The following DHTKD1 variants were observed in gnomAD, a reference collection of about 807,000 sequenced individuals.
DHTKD1 encodes dehydrogenase E1 and transketolase domain containing 1, also known as 2-oxoadipate dehydrogenase complex component E1.
Under a neutral mutation model 101.8 loss-of-function variants are expected in DHTKD1, and 78 were observed. That is an observed-to-expected ratio of 0.77 (90% CI 0.64 to 0.93). DHTKD1 has a LOEUF of 0.93. DHTKD1 is among the 40% of genes least tolerant of loss of function. DHTKD1 has a pLI of 0.00. For synonymous variants in DHTKD1, 462 were observed against 450.3 expected, an observed-to-expected ratio of 1.03 and a Z score of -0.33; for missense variants, 1,223 against 1,161.7, an observed-to-expected ratio of 1.05 and a Z score of -0.77.
rs1554791360 is a variant in DHTKD1, at chr10:12,084,695, G to GA, written c.467dup (p.Thr157AspfsTer21). 2.5e-6 allele frequency: 4 copies of GA among 1,614,104 alleles called. No individual in the cohort carries two copies. The highest frequency in any genetic ancestry group is 1.1e-5 in the South Asian group (1 of 91,086). On this transcript the variant is annotated frameshift_variant, in exon 3 of 17. Coordinates refer to ENST00000263035, the MANE Select transcript of DHTKD1 (RefSeq NM_018706.7). LOFTEE classifies it high-confidence loss of function. ...CAAGCGGTTTGAGGAACTGCAAAAGGAGACGTTTACCACAGAAGAGCGAAA... is the reference window on the plus strand; with the variant it reads ...CAAGCGGTTTGAGGAACTGCAAAAGGAAGACGTTTACCACAGAAGAGCGAAA...
chr10:12,091,366 C>T (rs560470755), intron 5 of DHTKD1, 147 bp from the exon 6 acceptor site: 5 of 535,928 alleles, frequency 9.3e-6, no homozygotes, highest in African/African-American at 4.5e-5. Flanking sequence ...GAGCTGAGAT[C>T]GTGCCATTTC....
At chr10:12,091,452 A>G in intron 5 of DHTKD1, 61 bp from the exon 6 acceptor site, 1 of 1,024,300 alleles carries the variant, frequency 9.8e-7, no homozygotes, top group Admixed American at 2.8e-5. Flanking sequence ...CTGAAAACCT[A>G]GATTTCTTAA....
At position 12,122,824 on chromosome 10, in the gene DHTKD1, C is replaced by T. The variant is rs566516465; in HGVS notation, c.*1936C>T. Reference sequence around the variant, plus strand: ...CCTGACTCAGTGCTGGGGGCCTCTACCATCTACTGTGCTTGTGTCATGATG... The same window carrying T: ...CCTGACTCAGTGCTGGGGGCCTCTATCATCTACTGTGCTTGTGTCATGATG... On this transcript the variant is annotated 3_prime_UTR_variant, in exon 17 of 17. Coordinates refer to ENST00000263035, the MANE Select transcript of DHTKD1 (RefSeq NM_018706.7). 1.3e-5 allele frequency: 2 copies of T among 152,258 alleles called. No individual in the cohort carries two copies. Among genetic ancestry groups the T allele is most frequent in the African/African-American group, 4.8e-5 (2 of 41,526 alleles). The allele number at this position is 152,258 out of a possible 1,614,324, so 9.4% of individuals were successfully genotyped here. A position where few individuals can be genotyped will look rare whatever the true frequency, so the allele number is the denominator to read the frequency against.
intron 13 of DHTKD1, among the ~76,000 whole-genome samples, chr10:12,116,681 G>A (rs1000044188): frequency 5.9e-5 from 9 of 151,604 alleles, no homozygotes; most frequent in Admixed American, 3.3e-4. Flanking sequence ...ATGAGCCACC[G>A]CGCCCAGTCT....
At chr10:12,104,094 G>A (rs888651775) in intron 10 of DHTKD1, among the ~76,000 whole-genome samples, 3 of 152,126 alleles carry the variant, frequency 2.0e-5, no homozygotes, top group Admixed American at 6.6e-5. Flanking sequence ...TGACTAGAAC[G>A]GTATAACATG....
intron 1 of DHTKD1, among the ~76,000 whole-genome samples, chr10:12,070,181 CA>C (rs2131343303): frequency 6.6e-6 from 1 of 152,294 alleles, no homozygotes; most frequent in Admixed American, 6.5e-5. Context: ...AATGAATTAA[CA>C]GTCATGAATA....
chr10:12,078,931 C>G (rs145970944), intron 1 of DHTKD1, among the ~76,000 whole-genome samples: 3 of 152,074 alleles, frequency 2.0e-5, no homozygotes, highest in Non-Finnish European at 4.4e-5. Context: ...TCTAAGGGGA[C>G]GTTTTCAATA....
At chr10:12,100,287 G>GCTT in intron 9 of DHTKD1, 25 bp downstream of exon 9, 1 of 269,860 alleles carries the variant, frequency 3.7e-6, no homozygotes, top group Admixed American at 7.6e-5. Flanking sequence ...TTTTTTTTCT[G>GCTT]TTTTTTTTTT....
chr10:12,120,469 G>A, intron 16 of DHTKD1: 1 of 530,562 alleles, frequency 1.9e-6, no homozygotes, highest in South Asian at 2.1e-5. Flanking sequence ...AAGTAGCTGG[G>A]ACTACAGGCG....
chr10:12,082,162 G>A (rs554573926), intron 2 of DHTKD1, among the ~76,000 whole-genome samples: 24 of 152,152 alleles, frequency 1.6e-4, no homozygotes, highest in South Asian at 1.5e-3. Flanking sequence ...GAACTCTAAA[G>A]TGCCATATGC....
chr10:12,118,443 C>T (rs1939478443), intron 14 of DHTKD1, among the ~76,000 whole-genome samples: 1 of 147,562 alleles, frequency 6.8e-6, no homozygotes. Flanking sequence ...AGTGCAGTGG[C>T]ACGATCTTGG....
At chr10:12,082,409 C>T (rs1189106434) in intron 2 of DHTKD1, among the ~76,000 whole-genome samples, 1 of 152,070 alleles carries the variant, frequency 6.6e-6, no homozygotes, top group African/African-American at 2.4e-5. Flanking sequence ...ATTTCAGGGT[C>T]CTACCTCATG....
rs368620787 is a variant in DHTKD1, at chr10:12,075,077, C to T, written c.154+5890C>T. Among the ~76,000 whole-genome samples, 11 of 152,278 alleles carry T rather than the reference C, an allele frequency of 7.2e-5. No homozygotes were observed. In the South Asian group the frequency reaches 1.0e-3, roughly 14 times the overall value. On this transcript the variant is annotated intron_variant, in intron 1 of 16. Transcript: ENST00000263035. ...AGTGAGCCGAGATGGTGCCACTGTA[C>T]TCCGGCCTGTGTGACACAGCAAGAC...
At chr10:12,091,486 ACCCGC>A in intron 5 of DHTKD1, 22 bp from the exon 6 acceptor site, 1 of 1,436,968 alleles carries the variant, frequency 7.0e-7, no homozygotes, top group Non-Finnish European at 9.3e-7. Context: ...TTTTCTCCCC[ACCCGC>A]TCCCCTTGCC....
intron 13 of DHTKD1, among the ~76,000 whole-genome samples, chr10:12,115,928 A>ATTTT (rs762994821): frequency 7.5e-6 from 1 of 133,182 alleles, no homozygotes; most frequent in African/African-American, 2.8e-5. Flanking sequence ...ACACCCAGCA[A>ATTTT]TTTTTTTTTT....
Position 12,090,867 on chromosome 10 carries a change from A to G in DHTKD1, c.988-646A>G, listed in dbSNP as rs143332980. 7.2e-5 allele frequency among the ~76,000 whole-genome samples: 11 copies of G among 152,210 alleles called. No individual in the cohort carries two copies. In the East Asian group the frequency reaches 1.9e-3, roughly 27 times the overall value. On this transcript the variant is annotated intron_variant, in intron 5 of 16. Coordinates refer to ENST00000263035, the MANE Select transcript of DHTKD1 (RefSeq NM_018706.7). Reference sequence around the variant, plus strand: ...CCTTTCACATAATTTATAATACTCTATTTTAATCCTTCATTTTTACCCAGT... The same window carrying G: ...CCTTTCACATAATTTATAATACTCTGTTTTAATCCTTCATTTTTACCCAGT...
In DHTKD1 at chr10:12,106,258, C is replaced by T; in HGVS notation, c.1909C>T (p.Pro637Ser). 1 of 1,614,120 alleles carries T rather than the reference C, an allele frequency of 6.2e-7. No homozygotes were observed. Among genetic ancestry groups the T allele is most frequent in the Non-Finnish European group, 8.5e-7 (1 of 1,180,004 alleles). ...QKGFLEVSNS[P>S]LSEEAVLGFE... ...TCTCTGGGATTAGGTCAGCAACAGC[C>T]CACTGTCAGAAGAGGCCGTCCTGGG... is the stretch of plus-strand genomic sequence containing the variant. The change falls in exon 11 of 17, where the codon CCA becomes TCA. Residue 637 changes from proline (P) to serine (S), a missense_variant. Coordinates refer to ENST00000263035, the MANE Select transcript of DHTKD1 (RefSeq NM_018706.7).
In DHTKD1 at chr10:12,106,509, C is replaced by T. The variant is rs138598207; in HGVS notation, c.2047+113C>T. ...GCTGCCTTGAGACTCCCGTGTGCGG[C>T]GGCGCCTCCAGGGAGTTGGGGTCAC... On this transcript the variant is annotated intron_variant, in intron 11 of 16. Transcript: ENST00000263035. 1,382 of 1,368,898 alleles carry T rather than the reference C, an allele frequency of 1.0e-3. 10 individuals carry two copies. The East Asian group carries it at 0.027, about 27-fold the overall frequency. The allele number at this position is 1,368,898 out of a possible 1,614,324, so 84.8% of individuals were successfully genotyped here. A position where few individuals can be genotyped will look rare whatever the true frequency, so the allele number is the denominator to read the frequency against.
chr10:12,071,845 C>A (rs560581075), intron 1 of DHTKD1, among the ~76,000 whole-genome samples: 1 of 152,112 alleles, frequency 6.6e-6, no homozygotes, highest in Admixed American at 6.6e-5. Flanking sequence ...ATTTATACTT[C>A]CTAAGGAATG....
Sources: allele counts gnomAD v4.1 joint callset (sites outside exome capture counted in the v4.1 genomes callset), GRCh38; gene constraint gnomAD v4.1.1; transcripts MANE v1.5; gene names NCBI Gene and HGNC (gene_info 2026-07-23, HGNC 2026-07-21).